EML2: variants seen among roughly 807,000 people sequenced by gnomAD.
EML2 encodes the protein EMAP like 2.
EML2 carries 59 observed loss-of-function variants against 84.7 expected under a neutral mutation model. The observed-to-expected ratio is 0.70, with a 90% CI of 0.56 to 0.86. The LOEUF is 0.86. Ranked by LOEUF, EML2 falls within the 40% of genes least tolerant of loss-of-function variation. The probability of loss-of-function intolerance (pLI) is 0.00; values close to 1 mark genes in which losing one functional copy is unlikely to be tolerated. For missense variants in EML2, 818 were observed against 855.6 expected (o/e 0.96, Z 0.55); for synonymous variants, 352 against 348.9 (o/e 1.01, Z -0.10).
At chr19:45,641,998 A>C, upstream of EML2, 1 of 1,446,414 alleles carries the variant, frequency 6.9e-7, no homozygotes, top group Non-Finnish European at 9.0e-7. Flanking sequence ...GTCCCGAGCC[A>C]TTAAGGGGCG....
intron 8 of EML2, 107 bp from the exon 9 acceptor site, chr19:45,624,925 G>A (rs921607577): frequency 3.9e-6 from 3 of 764,224 alleles, no homozygotes; most frequent in African/African-American, 3.5e-5. Flanking sequence ...CTCTATCTAT[G>A]CGTTTAGGGT....
At position 45,609,695 on chromosome 19, in the gene EML2, C is replaced by T. The variant is rs1389637382; in HGVS notation, c.1918G>A (p.Asp640Asn). Residue 640 changes from aspartate to asparagine, a missense_variant, in exon 19 of 19, where the codon GAC (aspartate) becomes AAC (asparagine). Asp to Asn is a conservative substitution (Grantham distance 23, BLOSUM62 1). Coordinates refer to ENST00000245925, the MANE Select transcript of EML2 (RefSeq NM_012155.4). Reference protein sequence around the residue: ...DSMALTTGGKDTSVLQWRVV With the variant: ...DSMALTTGGKNTSVLQWRVV ...ACCCGCCACTGTAGCACACTGGTGT[C>T]CTTGCCCCCTGTGGTCAGGGCCATG... The T allele has an allele frequency of 1.9e-6, 3 of 1,613,244 alleles. No homozygotes were observed. Among genetic ancestry groups the T allele is most frequent in the Non-Finnish European group, 2.5e-6 (3 of 1,179,688 alleles).
At chr19:45,641,876 G>A (rs1600245790), upstream of EML2, 7 of 1,466,602 alleles carry the variant, frequency 4.8e-6, no homozygotes, top group East Asian at 1.5e-4. Flanking sequence ...TGTCTCCCAC[G>A]AGGTCTTGGA....
At chr19:45,617,974 G>T (rs900425693) in intron 12 of EML2, among the ~76,000 whole-genome samples, 1 of 152,126 alleles carries the variant, frequency 6.6e-6, no homozygotes, top group Non-Finnish European at 1.5e-5. Context: ...CATCCAAGAC[G>T]ACTTCTTTAG....
In EML2 at chr19:45,633,104, G is replaced by T; in HGVS notation, c.365C>A (p.Thr122Lys). 6.2e-7 allele frequency: 1 copy of T among 1,600,938 alleles called. No homozygotes were observed. Among genetic ancestry groups the T allele is most frequent in the Admixed American group, 1.7e-5 (1 of 57,144 alleles). The change falls in exon 5 of 19, where the codon ACG (threonine) becomes AAG (lysine). Residue 122 changes from threonine to lysine, a missense_variant. Coordinates refer to ENST00000245925, the MANE Select transcript of EML2 (RefSeq NM_012155.4). ...AIHPDMVTIA[T>K]GQVAGTTKEG... ...CTTAGTGGTTCCCGCCACCTGTCCC[G>T]TGGCGATGGTGACCATATCTGGGTG...
intron 8 of EML2, 44 bp downstream of exon 8, chr19:45,626,661 A>G (rs1307950208): frequency 6.3e-7 from 1 of 1,575,958 alleles, no homozygotes; most frequent in Non-Finnish European, 8.7e-7. Flanking sequence ...GTCCCTAACT[A>G]CCTCTCTCAG....
chr19:45,635,526 C>A (rs1002421125), intron 3 of EML2, among the ~76,000 whole-genome samples: 1 of 151,590 alleles, frequency 6.6e-6, no homozygotes, highest in Non-Finnish European at 1.5e-5. Flanking sequence ...TCCACTCTCA[C>A]CCCTGTAGTG....
In EML2 at chr19:45,609,713, G is replaced by A. The variant is rs1970284419; in HGVS notation, c.1900C>T (p.Leu634=). Residue 634 remains leucine (L), a synonymous_variant, in exon 19 of 19, where the codon CTG becomes TTG. Transcript: ENST00000245925. ...CTGGTGTCCTTGCCCCCTGTGGTCA[G>A]GGCCATGCTGTCATCCCACAAGAAG... The part of the protein sequence containing the change: ...VAFLWDDSMA[L]TTGGKDTSVL... The A allele has an allele frequency of 6.2e-7, 1 of 1,613,704 alleles. No individual in the cohort carries two copies. Among genetic ancestry groups the A allele is most frequent in the African/African-American group, 1.3e-5 (1 of 75,000 alleles).
chr19:45,626,380 C>CTTTT (rs35850853), intron 8 of EML2, among the ~76,000 whole-genome samples: 1,748 of 79,438 alleles, frequency 0.022, 253 homozygotes, highest in African/African-American at 0.092. Flanking sequence ...ATCCTCACAA[C>CTTTT]TTTTTTTTTT....
At chr19:45,621,416 G>A (rs564070335) in intron 10 of EML2, 67 bp downstream of exon 10, 53 of 1,575,246 alleles carry the variant, frequency 3.4e-5, no homozygotes, top group East Asian at 1.1e-4. Context: ...AGGGTCTGGC[G>A]TTGGGAGCCC....
rs1568450158 is a variant in EML2, at chr19:45,621,554, C to A, written c.925G>T (p.Val309Leu). ...GLCALRDGTL[V>L]SGGGRDRRVV... ...CGCCGATCACGGCCCCCTCCAGACA[C>A]CAGCGTCCCGTCCCGCAGGGCGCAG... Residue 309 changes from valine (V) to leucine (L), a missense_variant, in exon 10 of 19, where the codon GTG (valine) becomes TTG (leucine). Val to Leu is a conservative substitution (Grantham distance 32). Transcript: ENST00000245925. The A allele has an allele frequency of 1.9e-6, 3 of 1,613,002 alleles. No individual in the cohort carries two copies. Among genetic ancestry groups the A allele is most frequent in the East Asian group, 4.5e-5 (2 of 44,864 alleles).
At chr19:45,645,402 G>C (rs980325532), upstream of EML2, 1 of 1,488,958 alleles carries the variant, frequency 6.7e-7, no homozygotes, top group Non-Finnish European at 8.9e-7. Flanking sequence ...CCCCAACCAG[G>C]CCCTGCCTCC....
Position 45,624,741 on chromosome 19 carries a change from C to T in EML2, c.819G>A (p.Gly273=), listed in dbSNP as rs36013288. 16,506 of 1,613,258 alleles carry T rather than the reference C, an allele frequency of 0.01. 143 individuals carry two copies. The highest frequency in any genetic ancestry group is 0.023 in the Admixed American group (1,372 of 59,918). The part of the protein sequence containing the change: ...GGDVVTGDSG[G]NLYVWGKGGN... ...GACCTTTGCCCCAAACATAGAGGTT[C>T]CCCCCAGAGTCCCCCGTGACCACGT... Residue 273 remains glycine (G), a synonymous_variant, in exon 9 of 19, where the codon GGG becomes GGA. Coordinates refer to ENST00000245925, the MANE Select transcript of EML2 (RefSeq NM_012155.4).
chr19:45,626,958 T>TTG, intron 7 of EML2, 119 bp from the exon 8 acceptor site: 1 of 849,624 alleles, frequency 1.2e-6, no homozygotes. Context: ...ACCTGAACTT[T>TTG]TCTTTTTTTT....
intron 7 of EML2, among the ~76,000 whole-genome samples, chr19:45,627,189 C>T (rs1306813323): frequency 6.6e-6 from 1 of 151,808 alleles, no homozygotes; most frequent in Non-Finnish European, 1.5e-5. Flanking sequence ...GAACTCTTTA[C>T]CTCGTGATCC....
Position 45,633,781 on chromosome 19 carries a change from G to C in EML2, c.329+541C>G, listed in dbSNP as rs143348367. Among the ~76,000 whole-genome samples, 4 of 152,180 alleles carry C rather than the reference G, an allele frequency of 2.6e-5. No homozygotes were observed. The East Asian group carries it at 7.7e-4, about 29-fold the overall frequency. ...AAAAAAGGAGATGGAGTCTCGCTCT[G>C]TCCCCCAGGCTAGAGTGCAGTGGCA... is the stretch of plus-strand genomic sequence containing the variant. On this transcript the variant is annotated intron_variant, in intron 4 of 18. Coordinates refer to ENST00000245925, the MANE Select transcript of EML2 (RefSeq NM_012155.4).
At chr19:45,631,758 T>G (rs1973061004) in intron 6 of EML2, among the ~76,000 whole-genome samples, 4 of 151,788 alleles carry the variant, frequency 2.6e-5, no homozygotes. Flanking sequence ...CAAGTTGGAG[T>G]GTAGTGGCAT....
intron 9 of EML2, 46 bp from the exon 10 acceptor site, chr19:45,621,683 A>G: frequency 4.4e-6 from 7 of 1,576,258 alleles, no homozygotes; most frequent in Non-Finnish European, 6.0e-6. Context: ...AGCCACCCCT[A>G]TGCTGACCCC....
At chr19:45,621,750 CT>C (rs34741603) in intron 9 of EML2, 113 bp from the exon 10 acceptor site, 149,797 of 919,408 alleles carry the variant, frequency 0.16, 1 homozygote, top group South Asian at 0.21. Flanking sequence ...ACTTTTCCAC[CT>C]TTTTTTTTTT....
Sources: allele counts gnomAD v4.1 joint callset (sites outside exome capture counted in the v4.1 genomes callset), GRCh38; gene constraint gnomAD v4.1.1; transcripts MANE v1.5; gene names NCBI Gene and HGNC (gene_info 2026-07-23, HGNC 2026-07-21).